Variants in NR2F1-AS1 observed in about 807,000 individuals in gnomAD.
NR2F1-AS1 encodes NR2F1 regulatory antisense RNA 1, also known as NR2F1 antisense RNA 1.
chr5:93,519,706 T>C (rs1386795145), intron 4 of NR2F1-AS1, among the ~76,000 whole-genome samples: 1 of 152,038 alleles, frequency 6.6e-6, no homozygotes, highest in East Asian at 1.9e-4. Flanking sequence ...TAATTCTTAA[T>C]GTTTAACAAA....
At chr5:93,428,742 A>G (rs1268509186) in intron 4 of NR2F1-AS1, among the ~76,000 whole-genome samples, 3 of 152,238 alleles carry the variant, frequency 2.0e-5, no homozygotes, top group Non-Finnish European at 4.4e-5. Context: ...ACTTCTGATT[A>G]TATAAGTACT....
At chr5:93,542,279 A>G (rs1032362888) in intron 4 of NR2F1-AS1, 1 of 152,044 alleles carries the variant, frequency 6.6e-6, no homozygotes, top group Non-Finnish European at 1.5e-5. Flanking sequence ...ATTAAGACCT[A>G]AAAATTTTTA....
intron 4 of NR2F1-AS1, among the ~76,000 whole-genome samples, chr5:93,549,447 A>T (rs571136237): frequency 1.3e-5 from 2 of 152,198 alleles, no homozygotes; most frequent in Admixed American, 6.5e-5. Flanking sequence ...CTGCTTTTAC[A>T]TGGGGGTAAG....
chr5:93,475,815 C>G (rs576463873), intron 4 of NR2F1-AS1, among the ~76,000 whole-genome samples: 1 of 152,160 alleles, frequency 6.6e-6, no homozygotes, highest in Admixed American at 6.5e-5. Context: ...CTTGACCCCC[C>G]ACGTTCACTG....
chr5:93,478,390 GTTGTTTTTTGTTTGT>G (rs1311723039), intron 4 of NR2F1-AS1, among the ~76,000 whole-genome samples: 10 of 152,020 alleles, frequency 6.6e-5, no homozygotes, highest in Admixed American at 1.3e-4. Flanking sequence ...CAGGTTTTTT[GTTGTTTTTTGTTTGT>G]TTGTTTTTTG....
chr5:93,427,611 A>G (rs1329322103), intron 4 of NR2F1-AS1, among the ~76,000 whole-genome samples: 1 of 152,208 alleles, frequency 6.6e-6, no homozygotes. Flanking sequence ...TTTGTACTCA[A>G]TAATTGTTAA....
At chr5:93,481,452 T>C (rs530895350) in intron 4 of NR2F1-AS1, among the ~76,000 whole-genome samples, 8 of 152,146 alleles carry the variant, frequency 5.3e-5, no homozygotes, top group African/African-American at 1.7e-4. Flanking sequence ...TTGGAAACTC[T>C]AGAATAATAG....
chr5:93,419,375 T>C (rs1276565431), intron 4 of NR2F1-AS1, among the ~76,000 whole-genome samples: 1 of 152,220 alleles, frequency 6.6e-6, no homozygotes, highest in Non-Finnish European at 1.5e-5. Context: ...GTTATGTATA[T>C]TTCTGTTATG....
chr5:93,571,863 AT>A lies in NR2F1-AS1; in HGVS notation n.314-8401del, dbSNP rs11436754. 3.0e-4 allele frequency among the ~76,000 whole-genome samples: 45 copies of A among 150,616 alleles called. No homozygotes were observed. The East Asian group carries it at 4.7e-3, about 16-fold the overall frequency. On this transcript the variant is annotated intron_variant and non_coding_transcript_variant, in intron 1 of 5. Coordinates refer to ENST00000660523, the Ensembl canonical transcript of NR2F1-AS1. ...CTTTGCAAACGGAAAAGGCAATATG[AT>A]TTTTTTTTTCATTTTAGGATTTGTG...
intron 2 of NR2F1-AS1, among the ~76,000 whole-genome samples, chr5:93,556,607 G>C (rs909819267): frequency 6.6e-6 from 1 of 152,052 alleles, no homozygotes; most frequent in East Asian, 1.9e-4. Context: ...CAATGTGACT[G>C]GTATCCTTAC....
Position 93,579,449 on chromosome 5 carries a change from G to A in NR2F1-AS1, n.313+1018C>T, listed in dbSNP as rs1451805147. 1.3e-5 allele frequency among the ~76,000 whole-genome samples: 2 copies of A among 152,144 alleles called. No homozygotes were observed. The highest frequency in any genetic ancestry group is 3.9e-4 in the East Asian group (2 of 5,146). On this transcript the variant is annotated intron_variant and non_coding_transcript_variant, in intron 1 of 5. Coordinates refer to ENST00000660523, the Ensembl canonical transcript of NR2F1-AS1. This position sits in a 1 kb window ranked among gnomAD's most constrained non-coding sequence, Gnocchi z 5.1. ...CTTTCAAGTTTGAAAGCTCTGTGGG[G>A]GCACGGAGAGCCCACAGTAAGGATG...
intron 4 of NR2F1-AS1, among the ~76,000 whole-genome samples, chr5:93,447,605 T>G (rs932525448): frequency 1.3e-5 from 2 of 152,194 alleles, no homozygotes; most frequent in African/African-American, 4.8e-5. Flanking sequence ...ACACTGTTGG[T>G]GGGACTGTAA....
At chr5:93,446,086 C>T (rs963443109) in intron 4 of NR2F1-AS1, among the ~76,000 whole-genome samples, 28 of 152,090 alleles carry the variant, frequency 1.8e-4, no homozygotes. Context: ...AAACCCACAG[C>T]CAATATCATA....
intron 4 of NR2F1-AS1, among the ~76,000 whole-genome samples, chr5:93,533,869 C>T (rs1751783167): frequency 6.6e-6 from 1 of 152,172 alleles, no homozygotes; most frequent in African/African-American, 2.4e-5. Flanking sequence ...CAGTGGCTCA[C>T]ACCTGTAGTC....
intron 4 of NR2F1-AS1, among the ~76,000 whole-genome samples, chr5:93,509,456 G>C (rs1751251624): frequency 6.6e-6 from 1 of 151,974 alleles, no homozygotes; most frequent in African/African-American, 2.4e-5. Context: ...GGCTATAGCA[G>C]ATACCATACT....
intron 4 of NR2F1-AS1, among the ~76,000 whole-genome samples, chr5:93,451,979 TACA>T (rs1749840955): frequency 6.6e-6 from 1 of 152,178 alleles, no homozygotes; most frequent in African/African-American, 2.4e-5. Flanking sequence ...AGTCACACAA[TACA>T]TTCCAAAGAC....
rs183577818 is a variant in NR2F1-AS1, at chr5:93,521,028, C to A, written n.638+32733G>T. On this transcript the variant is annotated intron_variant and non_coding_transcript_variant, in intron 4 of 5. Transcript: ENST00000660523. ...TACTGGTTCAAAAAAAGTGCATAGA[C>A]CAATGGAACAGAACAGAGAGCCCAG... 6.1e-4 allele frequency among the ~76,000 whole-genome samples: 93 copies of A among 152,140 alleles called. 3 individuals carry two copies. In the East Asian group the frequency reaches 6.2e-3, roughly 10 times the overall value.
intron 4 of NR2F1-AS1, among the ~76,000 whole-genome samples, chr5:93,440,020 A>G (rs943964001): frequency 6.6e-6 from 1 of 152,186 alleles, no homozygotes; most frequent in Non-Finnish European, 1.5e-5. Flanking sequence ...CCAATCAGTA[A>G]TTATTCATTA....
intron 2 of NR2F1-AS1, among the ~76,000 whole-genome samples, chr5:93,562,685 T>A (rs1210942078): frequency 6.6e-6 from 1 of 152,190 alleles, no homozygotes; most frequent in East Asian, 1.9e-4. Context: ...GTAATATTAA[T>A]AAAAATCACA....
Sources: gnomAD v4.1 joint callset for allele counts (sites outside exome capture counted in the v4.1 genomes callset) on GRCh38, gnomAD v4.1.1 for gene constraint, Gnocchi (gnomAD v3.1) non-coding constraint, MANE v1.5 for transcripts, NCBI Gene and HGNC (gene_info 2026-07-23, HGNC 2026-07-21) for gene names.